The following AGMO variants were observed in gnomAD, a reference collection of about 807,000 sequenced individuals.
AGMO encodes glyceryl-ether monooxygenase.
A neutral mutation model predicts 60.2 loss-of-function variants in AGMO; 75 were observed. That is an observed-to-expected ratio of 1.25 (90% CI 1.03 to 1.51). The LOEUF is 1.51. Among genes scored for constraint, AGMO ranks in the 40% most tolerant of loss-of-function variants. The pLI is 0.00. For synonymous variants in AGMO, 261 were observed against 177.1 expected, an observed-to-expected ratio of 1.47 and a Z score of -3.76; for missense variants, 763 against 525.5, an observed-to-expected ratio of 1.45 and a Z score of -4.42.
At chr7:15,515,770 T>G (rs1482010435) in intron 3 of AGMO, among the ~76,000 whole-genome samples, 1 of 152,224 alleles carries the variant, frequency 6.6e-6, no homozygotes, top group Non-Finnish European at 1.5e-5. Flanking sequence ...CTGTAGGATT[T>G]ATAAGCAATG....
intron 5 of AGMO, among the ~76,000 whole-genome samples, chr7:15,415,415 T>C (rs1780737408): frequency 6.6e-6 from 1 of 151,740 alleles, no homozygotes; most frequent in Non-Finnish European, 1.5e-5. Context: ...TGGTGGTGCG[T>C]GCCTGTAGTC....
chr7:15,304,961 C>G (rs1780569061), intron 12 of AGMO, among the ~76,000 whole-genome samples: 1 of 151,914 alleles, frequency 6.6e-6, no homozygotes, highest in African/African-American at 2.4e-5. Flanking sequence ...TCCCCCTTCC[C>G]CCAGGGTTTC....
At chr7:15,349,122 C>T (rs988937272) in intron 12 of AGMO, among the ~76,000 whole-genome samples, 1 of 152,060 alleles carries the variant, frequency 6.6e-6, no homozygotes, top group African/African-American at 2.4e-5. Context: ...GGCACATGGA[C>T]AATAATCATC....
At chr7:15,395,273 T>C (rs1051499338) in intron 5 of AGMO, among the ~76,000 whole-genome samples, 5 of 152,174 alleles carry the variant, frequency 3.3e-5, no homozygotes, top group Admixed American at 2.0e-4. Context: ...AAATAGTCAC[T>C]GACAATTATG....
intron 3 of AGMO, among the ~76,000 whole-genome samples, chr7:15,433,071 C>A (rs1310141714): frequency 3.9e-5 from 6 of 152,004 alleles, no homozygotes; most frequent in African/African-American, 1.2e-4. Context: ...GACTTATAAA[C>A]CTTCATTGAA....
At chr7:15,438,580 CAT>C (rs1240256464) in intron 3 of AGMO, among the ~76,000 whole-genome samples, 10 of 152,124 alleles carry the variant, frequency 6.6e-5, no homozygotes, top group African/African-American at 2.2e-4. Flanking sequence ...GTGATAATAA[CAT>C]GTTTTACTTT....
chr7:15,395,325 T>C (rs74763672), intron 5 of AGMO, among the ~76,000 whole-genome samples: 2,242 of 152,104 alleles, frequency 0.015, 45 homozygotes, highest in African/African-American at 0.051. Context: ...CGGGAAGAAA[T>C]AGAGATAAGA....
At chr7:15,244,351 T>G (rs1054650580) in intron 12 of AGMO, among the ~76,000 whole-genome samples, 1 of 152,166 alleles carries the variant, frequency 6.6e-6, no homozygotes, top group Non-Finnish European at 1.5e-5. Context: ...CTCTCCCTTT[T>G]TTTGTAAAGT....
intron 12 of AGMO, among the ~76,000 whole-genome samples, chr7:15,261,090 A>C (rs1783256497): frequency 6.6e-6 from 1 of 152,040 alleles, no homozygotes; most frequent in South Asian, 2.1e-4. Flanking sequence ...GACAATCTAA[A>C]GTCACACCTT....
At chr7:15,186,517 G>GAGT in the AGMO span, among the ~76,000 whole-genome samples, 1 of 152,162 alleles carries the variant, frequency 6.6e-6, no homozygotes, top group South Asian at 2.1e-4. Context: ...TGCAAAGAAT[G>GAGT]AGTAGGAAGA....
At chr7:15,201,846 C>A (rs1326927736) in intron 12 of AGMO, among the ~76,000 whole-genome samples, 1 of 152,150 alleles carries the variant, frequency 6.6e-6, no homozygotes, top group African/African-American at 2.4e-5. Flanking sequence ...TGATGATTTA[C>A]CTCCTCAGTC....
intron 3 of AGMO, among the ~76,000 whole-genome samples, chr7:15,448,636 G>C (rs1204501297): frequency 6.8e-6 from 1 of 146,966 alleles, no homozygotes; most frequent in East Asian, 2.0e-4. Context: ...TTTTGCCTAG[G>C]CCATTGCCAA....
intron 8 of AGMO, 59 bp from the exon 9 acceptor site, chr7:15,387,599 C>G: frequency 7.0e-7 from 1 of 1,435,600 alleles, no homozygotes; most frequent in Non-Finnish European, 9.5e-7. Context: ...GATTAAATAC[C>G]AAAAGTTATG....
At chr7:15,498,396 T>C (rs1038581578) in intron 3 of AGMO, among the ~76,000 whole-genome samples, 13 of 152,054 alleles carry the variant, frequency 8.5e-5, no homozygotes, top group African/African-American at 3.1e-4. Flanking sequence ...TTGGAGATAT[T>C]ACTCTGCTAA....
chr7:15,238,380 A>G (rs933488715), intron 12 of AGMO, among the ~76,000 whole-genome samples: 9 of 151,922 alleles, frequency 5.9e-5, no homozygotes, highest in Non-Finnish European at 1.3e-4. Context: ...ACAATAATTT[A>G]TTGAATATTT....
intron 12 of AGMO, among the ~76,000 whole-genome samples, chr7:15,224,397 G>C (rs1782015692): frequency 6.6e-6 from 1 of 151,824 alleles, no homozygotes; most frequent in Admixed American, 6.6e-5. Context: ...AAAGAGATAA[G>C]AGAAAGCTTG....
chr7:15,316,725 TC>T (rs1780936706), intron 12 of AGMO, among the ~76,000 whole-genome samples: 1 of 152,178 alleles, frequency 6.6e-6, no homozygotes, highest in Non-Finnish European at 1.5e-5. Context: ...TAGTAACGTT[TC>T]CCCTCTCACT....
intron 11 of AGMO, 84 bp downstream of exon 11, chr7:15,366,056 C>T (rs1251667966): frequency 3.1e-6 from 3 of 974,786 alleles, no homozygotes; most frequent in African/African-American, 1.7e-5. Flanking sequence ...ACACTAGTTA[C>T]ATAATATACT....
chr7:15,490,440 T>C (rs1415930836), intron 3 of AGMO, among the ~76,000 whole-genome samples: 1 of 150,964 alleles, frequency 6.6e-6, no homozygotes, highest in East Asian at 1.9e-4. Context: ...TGGTCCCCTG[T>C]GCTATGATGA....
Sources: gnomAD v4.1 joint callset for allele counts (sites outside exome capture counted in the v4.1 genomes callset) on GRCh38, gnomAD v4.1.1 for gene constraint, MANE v1.5 for transcripts, NCBI Gene and HGNC (gene_info 2026-07-23, HGNC 2026-07-21) for gene names.